The following MACROD2 variants were observed in gnomAD, a reference collection of about 807,000 sequenced individuals.
The protein encoded by MACROD2 is ADP-ribose glycohydrolase MACROD2.
In MACROD2, 36 loss-of-function variants were observed where a neutral mutation model predicts 70.4. The ratio of observed to expected loss-of-function variants is 0.51; its 90% CI spans 0.39 to 0.68. The LOEUF (loss-of-function observed/expected upper bound fraction) is 0.68. Among genes scored for constraint, MACROD2 ranks in the 30% least tolerant of loss-of-function variants. The pLI, the probability that MACROD2 is intolerant of heterozygous loss-of-function variation, is 0.00. For synonymous variants in MACROD2, 172 were observed against 178.8 expected (o/e 0.96, Z 0.30); for missense variants, 496 against 538.4 (o/e 0.92, Z 0.78).
chr20:14,487,879 T>A lies in MACROD2; in HGVS notation c.272-5600T>A, dbSNP rs777432250. Among the ~76,000 whole-genome samples the A allele has an allele frequency of 3.9e-5, 6 of 152,328 alleles. No individual in the cohort carries two copies. The South Asian group carries it at 1.0e-3, about 26-fold the overall frequency. Reference sequence around the variant, plus strand: ...TTAAATAAAAGTGTAATATAAAAATTGTAATAAACCTTTTTAAAAATCTCA... The same window carrying A: ...TTAAATAAAAGTGTAATATAAAAATAGTAATAAACCTTTTTAAAAATCTCA... On this transcript the variant is annotated intron_variant, in intron 3 of 17. Transcript: ENST00000684519.
At chr20:15,835,570 CTAA>C (rs2064105376) in intron 8 of MACROD2, among the ~76,000 whole-genome samples, 2 of 152,038 alleles carry the variant, frequency 1.3e-5, no homozygotes, top group African/African-American at 4.8e-5. Context: ...TGTTAAAACA[CTAA>C]TGTTTGGATG....
At chr20:14,192,914 C>T (rs560407707) in intron 3 of MACROD2, among the ~76,000 whole-genome samples, 2 of 152,100 alleles carry the variant, frequency 1.3e-5, no homozygotes, top group South Asian at 2.1e-4. Flanking sequence ...TCTGACTGAA[C>T]AATTCATAGG....
At chr20:14,559,609 T>G (rs1449666178) in intron 4 of MACROD2, among the ~76,000 whole-genome samples, 4 of 151,862 alleles carry the variant, frequency 2.6e-5, no homozygotes, top group African/African-American at 9.7e-5. Flanking sequence ...CTCTACTTTC[T>G]GTTTTTATAA....
chr20:14,826,163 A>C (rs145755780), intron 5 of MACROD2, among the ~76,000 whole-genome samples: 62 of 152,210 alleles, frequency 4.1e-4, no homozygotes, highest in African/African-American at 1.4e-3. Flanking sequence ...TCACTCTGCA[A>C]TAGTTCAATT....
At chr20:14,111,512 G>GA (rs1569163506) in intron 3 of MACROD2, among the ~76,000 whole-genome samples, 1 of 151,634 alleles carries the variant, frequency 6.6e-6, no homozygotes, top group African/African-American at 2.4e-5. Flanking sequence ...AACTTTATAG[G>GA]AAAAAAATAT....
intron 6 of MACROD2, among the ~76,000 whole-genome samples, chr20:15,373,107 T>A (rs994923552): frequency 6.6e-6 from 1 of 152,160 alleles, no homozygotes; most frequent in South Asian, 2.1e-4. Flanking sequence ...GTCAATCCTA[T>A]ACCTTCTTTT....
In MACROD2 at chr20:14,318,447, G is replaced by A. The variant is rs971593422; in HGVS notation, c.272-175032G>A. The stretch of plus-strand genomic sequence containing the variant: ...TAACATAAAAATGAGATAGGGGTAG[G>A]GAGTGGGAGGGGTTCATAATGTGAT... On this transcript the variant is annotated intron_variant, in intron 3 of 17. Coordinates refer to ENST00000684519, the MANE Select transcript of MACROD2 (RefSeq NM_001351661.2). Among the ~76,000 whole-genome samples the A allele has an allele frequency of 3.4e-4, 52 of 152,134 alleles. 1 individual carries two copies. Among genetic ancestry groups the A allele is most frequent in the Non-Finnish European group, 3.2e-4 (22 of 68,024 alleles).
chr20:15,374,167 C>A (rs1447192947), intron 6 of MACROD2, among the ~76,000 whole-genome samples: 1 of 151,600 alleles, frequency 6.6e-6, no homozygotes, highest in Non-Finnish European at 1.5e-5. Flanking sequence ...TGTATAATTT[C>A]TATATATATA....
intron 5 of MACROD2, among the ~76,000 whole-genome samples, chr20:15,081,709 A>G (rs1310130995): frequency 1.3e-5 from 2 of 152,138 alleles, no homozygotes; most frequent in African/African-American, 2.4e-5. Flanking sequence ...GATAGGAAAA[A>G]CAAAACACTT....
At chr20:14,698,009 T>A (rs963177411) in intron 5 of MACROD2, among the ~76,000 whole-genome samples, 1 of 152,212 alleles carries the variant, frequency 6.6e-6, no homozygotes, top group Non-Finnish European at 1.5e-5. Context: ...CTCCCTAATA[T>A]GTGCCAGGTG....
chr20:15,164,344 A>G (rs1363004974), intron 5 of MACROD2, among the ~76,000 whole-genome samples: 2 of 152,144 alleles, frequency 1.3e-5, no homozygotes, highest in Non-Finnish European at 2.9e-5. Flanking sequence ...GCCATTTTTT[A>G]TAAGGGACTT....
At chr20:15,511,453 TA>T (rs796581173) in intron 8 of MACROD2, among the ~76,000 whole-genome samples, 1 of 152,042 alleles carries the variant, frequency 6.6e-6, no homozygotes, top group African/African-American at 2.4e-5. Context: ...ATGGGGTCTT[TA>T]AAAAAAGGCC....
intron 5 of MACROD2, among the ~76,000 whole-genome samples, chr20:15,210,529 C>A (rs149264296): frequency 6.8e-6 from 1 of 147,596 alleles, no homozygotes; most frequent in Non-Finnish European, 1.5e-5. Context: ...CGTCCAGCAC[C>A]GTTTCTTTTA....
chr20:14,464,019 G>A (rs988419629), intron 3 of MACROD2, among the ~76,000 whole-genome samples: 2 of 152,082 alleles, frequency 1.3e-5, no homozygotes, highest in East Asian at 1.9e-4. Context: ...TCTCTGCCAG[G>A]CTTTGGTATC....
At chr20:14,079,239 G>C (rs1332998677) in intron 2 of MACROD2, among the ~76,000 whole-genome samples, 1 of 152,188 alleles carries the variant, frequency 6.6e-6, no homozygotes, top group African/African-American at 2.4e-5. Flanking sequence ...GACTATGCCA[G>C]GTACTCTGGG....
intron 5 of MACROD2, among the ~76,000 whole-genome samples, chr20:15,111,989 G>T (rs373683094): frequency 1.3e-5 from 2 of 152,276 alleles, no homozygotes; most frequent in East Asian, 3.9e-4. Flanking sequence ...AGGTCAAAGG[G>T]AGATGTTAAA....
rs62204796 is a variant in MACROD2, at chr20:14,791,401, T to C, written c.418+106442T>C. 4.9e-4 allele frequency among the ~76,000 whole-genome samples: 75 copies of C among 152,190 alleles called. No individual in the cohort carries two copies. In the South Asian group the frequency reaches 0.011, roughly 22 times the overall value. Reference sequence around the variant, plus strand: ...AGATGTGAGGTTTACAGAGGCGTTATTGAGATTTTTCAGTTGAGAACACTA... The same window carrying C: ...AGATGTGAGGTTTACAGAGGCGTTACTGAGATTTTTCAGTTGAGAACACTA... On this transcript the variant is annotated intron_variant, in intron 5 of 17. Transcript: ENST00000684519.
Position 14,967,028 on chromosome 20 carries a change from G to A in MACROD2, c.419-262912G>A, listed in dbSNP as rs560403918. Among the ~76,000 whole-genome samples the A allele has an allele frequency of 1.8e-4, 28 of 151,738 alleles. 1 individual carries two copies. In the South Asian group the frequency reaches 5.8e-3, roughly 31 times the overall value. The stretch of plus-strand genomic sequence containing the variant: ...TGTAATAGTGGATATGTATTGATGG[G>A]TGTGTACTGATATTTCAATGTGGTT... On this transcript the variant is annotated intron_variant, in intron 5 of 17. Coordinates refer to ENST00000684519, the MANE Select transcript of MACROD2 (RefSeq NM_001351661.2).
intron 6 of MACROD2, among the ~76,000 whole-genome samples, chr20:15,260,258 T>G (rs989773988): frequency 6.6e-6 from 1 of 151,558 alleles, no homozygotes; most frequent in Non-Finnish European, 1.5e-5. Flanking sequence ...TTTGTGCCCA[T>G]TAACCATTCC....
Sources: gnomAD v4.1 joint callset for allele counts (sites outside exome capture counted in the v4.1 genomes callset) on GRCh38, gnomAD v4.1.1 for gene constraint, MANE v1.5 for transcripts, NCBI Gene and HGNC (gene_info 2026-07-23, HGNC 2026-07-21) for gene names.